The following OR51B5 variants were observed in gnomAD, a reference collection of about 807,000 sequenced individuals.
OR51B5 encodes olfactory receptor 51B5.
For synonymous variants in OR51B5, 186 were observed against 144.8 expected, an observed-to-expected ratio of 1.28 and a Z score of -2.04; for missense variants, 456 against 374.6, an observed-to-expected ratio of 1.22 and a Z score of -1.79.
chr11:5,397,420 C>A (rs1849893800), intron 1 of OR51B5, among the ~76,000 whole-genome samples: 1 of 152,058 alleles, frequency 6.6e-6, no homozygotes, highest in Non-Finnish European at 1.5e-5. Flanking sequence ...CAAAAGAAGA[C>A]ATTTATGCAG....
chr11:5,489,502 C>A, intron 1 of OR51B5: 1 of 1,614,050 alleles, frequency 6.2e-7, no homozygotes, highest in East Asian at 2.2e-5. Flanking sequence ...CCTCACCCAC[C>A]GCTTTGGTCA....
At chr11:5,365,831 TG>T (rs1244820874) in intron 1 of OR51B5, among the ~76,000 whole-genome samples, 1 of 152,230 alleles carries the variant, frequency 6.6e-6, no homozygotes, top group Non-Finnish European at 1.5e-5. Flanking sequence ...TAGTATGTGC[TG>T]GCTTGATGAC....
At chr11:5,453,608 G>C (rs2030094) in intron 1 of OR51B5, 53 of 1,613,160 alleles carry the variant, frequency 3.3e-5, no homozygotes, top group Non-Finnish European at 4.5e-5. Context: ...TGGCCCTTGG[G>C]GGAAATACAG....
exon 1 of OR51B5, chr11:5,343,259 T>C: frequency 6.2e-7 from 1 of 1,613,374 alleles, no homozygotes; most frequent in Non-Finnish European, 8.5e-7. Context: ...ACTTCCAATC[T>C]CCCTGTGATC....
At chr11:5,365,911 G>T (rs1337188346) in intron 1 of OR51B5, among the ~76,000 whole-genome samples, 2 of 152,152 alleles carry the variant, frequency 1.3e-5, no homozygotes, top group East Asian at 3.9e-4. Context: ...TGAAGGGTCT[G>T]ACTGACCAGA....
chr11:5,376,459 A>G lies in OR51B5; in HGVS notation n.85-29549T>C, dbSNP rs1307022836. ...CTAGCAGAAGTCAAGAAATAACTAA[A>G]ATCAGAGCAGAACTGAAGGAAACAG... On this transcript the variant is annotated intron_variant and non_coding_transcript_variant, in intron 1 of 4. Transcript: ENST00000415970. 4.6e-5 allele frequency among the ~76,000 whole-genome samples: 7 copies of G among 152,272 alleles called. No homozygotes were observed. In the South Asian group the frequency reaches 1.5e-3, roughly 32 times the overall value.
chr11:5,354,442 T>C (rs571193324), intron 1 of OR51B5, among the ~76,000 whole-genome samples: 9 of 151,966 alleles, frequency 5.9e-5, no homozygotes, highest in Non-Finnish European at 1.3e-4. Flanking sequence ...TTCTTCCTTA[T>C]ACTGAAGAGA....
intron 1 of OR51B5, among the ~76,000 whole-genome samples, chr11:5,476,447 C>A: frequency 6.6e-6 from 1 of 152,154 alleles, no homozygotes. Flanking sequence ...TTGTATCATA[C>A]TCCAAGGATT....
chr11:5,342,291 A>G (rs1374750434), downstream of OR51B5, among the ~76,000 whole-genome samples: 1 of 152,218 alleles, frequency 6.6e-6, no homozygotes, highest in Non-Finnish European at 1.5e-5. Flanking sequence ...TGAAATAAAC[A>G]TATGTTAGTT....
chr11:5,505,606 A>C (rs1272292122), exon 1 of OR51B5: 2 of 582,268 alleles, frequency 3.4e-6, no homozygotes, highest in Non-Finnish European at 5.0e-6. Context: ...AACCATGGCC[A>C]GGAGAAGCAA....
intron 1 of OR51B5, among the ~76,000 whole-genome samples, chr11:5,374,845 A>T (rs566877837): frequency 2.0e-5 from 3 of 152,132 alleles, no homozygotes; most frequent in Admixed American, 6.5e-5. Flanking sequence ...AAAAGATCAA[A>T]TCTAGGTCTG....
At chr11:5,361,270 A>G (rs982609430) in intron 1 of OR51B5, among the ~76,000 whole-genome samples, 1 of 152,216 alleles carries the variant, frequency 6.6e-6, no homozygotes, top group Admixed American at 6.5e-5. Flanking sequence ...ACCTAGATGC[A>G]GGAAGAAACC....
intron 1 of OR51B5, among the ~76,000 whole-genome samples, chr11:5,435,552 CCT>C (rs1850580667): frequency 2.1e-5 from 1 of 46,618 alleles, no homozygotes; most frequent in Non-Finnish European, 7.6e-5. Context: ...GGGTCAAATA[CCT>C]AACAGATGCT....
intron 1 of OR51B5, among the ~76,000 whole-genome samples, chr11:5,365,393 T>C (rs574821473): frequency 3.3e-4 from 50 of 152,210 alleles, no homozygotes; most frequent in African/African-American, 1.1e-3. Flanking sequence ...AGTAACCAAA[T>C]ATGGGATGAG....
intron 1 of OR51B5, among the ~76,000 whole-genome samples, chr11:5,491,581 C>T (rs1035824435): frequency 1.1e-4 from 17 of 152,164 alleles, no homozygotes; most frequent in African/African-American, 4.1e-4. Flanking sequence ...GATTACATTT[C>T]GAGGGGGCCT....
chr11:5,470,325 G>T (rs1296507626), intron 1 of OR51B5, among the ~76,000 whole-genome samples: 1 of 152,080 alleles, frequency 6.6e-6, no homozygotes, highest in Non-Finnish European at 1.5e-5. Flanking sequence ...GATCAATTTT[G>T]GGAGTTACTA....
At chr11:5,354,301 T>G (rs750542667) in intron 1 of OR51B5, among the ~76,000 whole-genome samples, 2 of 152,232 alleles carry the variant, frequency 1.3e-5, no homozygotes, top group Non-Finnish European at 2.9e-5. Context: ...TGACTCACCC[T>G]CTAGGTCCAG....
Position 5,464,410 on chromosome 11 carries a change from G to C in OR51B5, n.84+41159C>G, listed in dbSNP as rs1036221188. On this transcript the variant is annotated intron_variant and non_coding_transcript_variant, in intron 1 of 4. Transcript: ENST00000415970. ...CCACTAACTCGTCATCTAGCGTTAGGTATATCTCCCAATGCTATCCCTCCC... is the reference window on the plus strand; with the variant it reads ...CCACTAACTCGTCATCTAGCGTTAGCTATATCTCCCAATGCTATCCCTCCC... Among the ~76,000 whole-genome samples the C allele has an allele frequency of 5.3e-5, 8 of 151,990 alleles. No individual in the cohort carries two copies. The South Asian group carries it at 8.3e-4, about 16-fold the overall frequency.
At chr11:5,470,339 T>C (rs191748725) in intron 1 of OR51B5, among the ~76,000 whole-genome samples, 19 of 152,294 alleles carry the variant, frequency 1.2e-4, no homozygotes, top group African/African-American at 4.3e-4. Flanking sequence ...GTTACTATCG[T>C]AGAAAACAAA....
Sources: gnomAD v4.1 joint callset for allele counts (sites outside exome capture counted in the v4.1 genomes callset) on GRCh38, gnomAD v4.1.1 for gene constraint, MANE v1.5 for transcripts, NCBI Gene and HGNC (gene_info 2026-07-23, HGNC 2026-07-21) for gene names.